Variants in POLR2C observed in about 807,000 individuals in gnomAD.
The protein encoded by POLR2C is DNA-directed RNA polymerase II subunit RPB3.
Under a neutral mutation model 41.7 loss-of-function variants are expected in POLR2C, and 36 were observed. The observed-to-expected ratio is 0.86, with a 90% CI of 0.66 to 1.14. The LOEUF (loss-of-function observed/expected upper bound fraction) is 1.14, where lower values mean the gene tolerates loss of function less well. Among genes scored for constraint, POLR2C ranks in the 50% most tolerant of loss-of-function variants. The pLI is 0.00. For synonymous variants in POLR2C, 133 were observed against 137.8 expected (o/e 0.96, Z 0.25); for missense variants, 260 against 350.4 (o/e 0.74, Z 2.06).
rs2030768914 is a variant in POLR2C, at chr16:57,469,055, G to A, written c.259-110G>A. 12 of 1,087,970 alleles carry A rather than the reference G, an allele frequency of 1.1e-5. No individual in the cohort carries two copies. 67.4% of individuals were successfully genotyped at this position (1,087,970 alleles called of 1,614,324 possible). ...GGATACTGATGAACCCCTTTTTACA[G>A]GTGAAGAAACTTAAGGAACTGGGCA... On this transcript the variant is annotated intron_variant, in intron 4 of 8. Coordinates refer to ENST00000219252, the MANE Select transcript of POLR2C (RefSeq NM_032940.3). The surrounding 1 kb of genome is among the most constrained non-coding windows in gnomAD (Gnocchi z 5.8).
chr16:57,470,322 G>T lies in POLR2C; in HGVS notation c.651G>T (p.Gln217His). ...EYSELDEDESQAPYDPNGKPE... is the reference protein window; with the variant it reads ...EYSELDEDESHAPYDPNGKPE... ...CGGAGCTGGATGAGGATGAGTCGCA[G>T]GCTCCCTATGACCCCAACGGCAAGC... is the stretch of plus-strand genomic sequence containing the variant. Residue 217 changes from glutamine to histidine, a missense_variant, in exon 8 of 9, where the codon CAG becomes CAT. Gln to His is a conservative substitution (Grantham distance 24). Coordinates refer to ENST00000219252, the MANE Select transcript of POLR2C (RefSeq NM_032940.3). 6.2e-7 allele frequency: 1 copy of T among 1,612,110 alleles called. No homozygotes were observed. The highest frequency in any genetic ancestry group is 8.5e-7 in the Non-Finnish European group (1 of 1,179,024).
intron 2 of POLR2C, among the ~76,000 whole-genome samples, chr16:57,465,234 G>T (rs1016869856): frequency 6.6e-6 from 1 of 152,188 alleles, no homozygotes; most frequent in Non-Finnish European, 1.5e-5. Context: ...AGGCCTGGCA[G>T]GGGGAGGTCC....
At chr16:57,465,903 G>C (rs2030695164) in intron 2 of POLR2C, 50 bp from the exon 3 acceptor site, 3 of 1,120,434 alleles carry the variant, frequency 2.7e-6, no homozygotes, top group Non-Finnish European at 4.1e-6. Flanking sequence ...CATTAAGTCT[G>C]TAGGTAAATT....
Position 57,469,401 on chromosome 16 carries a change from T to C in POLR2C, c.387+108T>C, listed in dbSNP as rs2030775972. ...CCTTAGAAAATGTTGGCTTTCCCTG[T>C]TACCCTCTGCCTTAATCTGATCCCT... On this transcript the variant is annotated intron_variant, in intron 5 of 8. Coordinates refer to ENST00000219252, the MANE Select transcript of POLR2C (RefSeq NM_032940.3). The surrounding 1 kb of genome is among the most constrained non-coding windows in gnomAD (Gnocchi z 5.8). The C allele has an allele frequency of 8.1e-7, 1 of 1,237,842 alleles. No individual in the cohort carries two copies. Among genetic ancestry groups the C allele is most frequent in the African/African-American group, 1.5e-5 (1 of 67,846 alleles). 76.7% of individuals were successfully genotyped at this position (1,237,842 alleles called of 1,614,324 possible).
At chr16:57,470,895 A>C (rs2030818319) in intron 8 of POLR2C, 80 bp from the exon 9 acceptor site, 1 of 1,398,550 alleles carries the variant, frequency 7.2e-7, no homozygotes, top group African/African-American at 1.4e-5. Context: ...AAGACCCGGA[A>C]GGAGGAAGGG....
rs767059166 is a variant in POLR2C, at chr16:57,469,800, A to G, written c.439+39A>G. On this transcript the variant is annotated intron_variant, in intron 6 of 8. Transcript: ENST00000219252. The surrounding 1 kb of genome is among the most constrained non-coding windows in gnomAD (Gnocchi z 5.8). Reference sequence around the variant, plus strand: ...ACCTGTCACCGTGTGGGCCAGCGGGAAGGAGGGACCAGACACAGCCTCTCG... The same window carrying G: ...ACCTGTCACCGTGTGGGCCAGCGGGGAGGAGGGACCAGACACAGCCTCTCG... The G allele has an allele frequency of 6.3e-7, 1 of 1,598,590 alleles. No individual in the cohort carries two copies. Among genetic ancestry groups the G allele is most frequent in the Non-Finnish European group, 8.6e-7 (1 of 1,165,976 alleles).
chr16:57,469,465 C>A lies in POLR2C; in HGVS notation c.387+172C>A. The A allele has an allele frequency of 1.3e-6, 1 of 790,300 alleles. No homozygotes were observed. 49.0% of individuals were successfully genotyped at this position (790,300 alleles called of 1,614,324 possible). On this transcript the variant is annotated intron_variant, in intron 5 of 8. Coordinates refer to ENST00000219252, the MANE Select transcript of POLR2C (RefSeq NM_032940.3). This position sits in a 1 kb window ranked among gnomAD's most constrained non-coding sequence, Gnocchi z 5.8. ...CTGGATTCCTCTTGGGCATCGTTAG[C>A]ATCGTTGGTGCTGCGCACCCTCTAT...
intron 1 of POLR2C, 103 bp from the exon 2 acceptor site, chr16:57,462,925 GA>G: frequency 8.0e-7 from 1 of 1,251,944 alleles, no homozygotes; most frequent in Non-Finnish European, 1.1e-6. Context: ...TGTCCTTCCA[GA>G]GCTGCCCCCC....
At chr16:57,465,221 T>TG (rs2030675500) in intron 2 of POLR2C, among the ~76,000 whole-genome samples, 1 of 152,152 alleles carries the variant, frequency 6.6e-6, no homozygotes, top group Non-Finnish European at 1.5e-5. Flanking sequence ...ACAGAGCAGG[T>TG]GGAGGCCTGG....
intron 4 of POLR2C, among the ~76,000 whole-genome samples, chr16:57,467,664 CTG>C (rs1384075771): frequency 2.0e-5 from 3 of 152,194 alleles, no homozygotes; most frequent in Non-Finnish European, 4.4e-5. Context: ...TTTTGCTGAA[CTG>C]TGTGAAAGTT....
At chr16:57,465,901 C>A in intron 2 of POLR2C, 52 bp from the exon 3 acceptor site, 2 of 1,100,614 alleles carry the variant, frequency 1.8e-6, no homozygotes, top group Non-Finnish European at 2.8e-6. Context: ...TGCATTAAGT[C>A]TGTAGGTAAA....
intron 7 of POLR2C, 61 bp downstream of exon 7, chr16:57,470,190 T>G (rs1363076970): frequency 6.3e-7 from 1 of 1,596,290 alleles, no homozygotes; most frequent in Non-Finnish European, 8.6e-7. Context: ...GAAATGGCTG[T>G]TGTTGACTGA....
intron 2 of POLR2C, chr16:57,463,368 CAA>C (rs1567582796): frequency 1.8e-6 from 1 of 554,320 alleles, no homozygotes; most frequent in African/African-American, 1.9e-5. Flanking sequence ...ACTATTGTTA[CAA>C]AAGTTTTTAA....
At chr16:57,463,175 C>A in intron 2 of POLR2C, 97 bp downstream of exon 2, 1 of 1,019,444 alleles carries the variant, frequency 9.8e-7, no homozygotes, top group Admixed American at 1.8e-5. Flanking sequence ...TTGGTTCGGG[C>A]TGAGGGTGGT....
intron 2 of POLR2C, chr16:57,463,779 C>T (rs1377181361): frequency 1.1e-5 from 4 of 357,016 alleles, no homozygotes; most frequent in African/African-American, 8.7e-5. Context: ...CCCGCCTCTA[C>T]TAAAAATGCA....
In POLR2C at chr16:57,470,147, G is replaced by A. The variant is rs770401017; in HGVS notation, c.608+18G>A. The A allele has an allele frequency of 6.2e-7, 1 of 1,607,110 alleles. No individual in the cohort carries two copies. The highest frequency in any genetic ancestry group is 8.5e-7 in the Non-Finnish European group (1 of 1,176,568). On this transcript the variant is annotated intron_variant, in intron 7 of 8. Coordinates refer to ENST00000219252, the MANE Select transcript of POLR2C (RefSeq NM_032940.3). ...GAGGAATGGTATGTTCCCCTTAGGA[G>A]TGATGGCAGGCATTTGGGGTGGGTG...
At position 57,466,235 on chromosome 16, in the gene POLR2C, G is replaced by A. The variant is rs767245391; in HGVS notation, c.258+8G>A. On this transcript the variant is annotated splice_region_variant and intron_variant, in intron 4 of 8. Transcript: ENST00000219252. ...AAGCTGCAGTACTCTCGGGTATGTT[G>A]TGTGATTGGGTGGAATGTGAGGTTT... 2 of 1,558,684 alleles carry A rather than the reference G, an allele frequency of 1.3e-6. No homozygotes were observed. Among genetic ancestry groups the A allele is most frequent in the Admixed American group, 2.0e-5 (1 of 49,888 alleles).
At position 57,471,219 on chromosome 16, in the gene POLR2C, T is replaced by C. The variant is rs1421318861; in HGVS notation, c.*100T>C. 2 of 1,062,650 alleles carry C rather than the reference T, an allele frequency of 1.9e-6. No homozygotes were observed. Among genetic ancestry groups the C allele is most frequent in the Admixed American group, 3.7e-5 (2 of 53,616 alleles). The allele number at this position is 1,062,650 out of a possible 1,614,324, so 65.8% of individuals were successfully genotyped here. On this transcript the variant is annotated 3_prime_UTR_variant, in exon 9 of 9. Transcript: ENST00000219252. Reference sequence around the variant, plus strand: ...TCTCGTTTCTGAGAATCTAGTCTACTGTTGGTTGAGCTTCTTGGCAGGACA... The same window carrying C: ...TCTCGTTTCTGAGAATCTAGTCTACCGTTGGTTGAGCTTCTTGGCAGGACA...
In POLR2C at chr16:57,469,836, T is replaced by G; in HGVS notation, c.439+75T>G. On this transcript the variant is annotated intron_variant, in intron 6 of 8. Coordinates refer to ENST00000219252, the MANE Select transcript of POLR2C (RefSeq NM_032940.3). The surrounding 1 kb of genome is among the most constrained non-coding windows in gnomAD (Gnocchi z 5.8). ...AGACACAGCCTCTCGTGCTGCCTGGTCTCCTCGAAAATTGGCTTTAGACCG... is the reference window on the plus strand; with the variant it reads ...AGACACAGCCTCTCGTGCTGCCTGGGCTCCTCGAAAATTGGCTTTAGACCG... 1 of 1,571,444 alleles carries G rather than the reference T, an allele frequency of 6.4e-7. No individual in the cohort carries two copies.
Sources: allele counts gnomAD v4.1 joint callset (sites outside exome capture counted in the v4.1 genomes callset), GRCh38; gene constraint gnomAD v4.1.1; non-coding constraint Gnocchi (gnomAD v3.1); transcripts MANE v1.5; gene names NCBI Gene and HGNC (gene_info 2026-07-23, HGNC 2026-07-21).